Variants in CAMTA1 observed in about 807,000 individuals in gnomAD.
CAMTA1 encodes the protein calmodulin binding transcription activator 1.
Under a neutral mutation model 170.9 loss-of-function variants are expected in CAMTA1, and 27 were observed. That is an observed-to-expected ratio of 0.16 (90% CI 0.12 to 0.22). The LOEUF (loss-of-function observed/expected upper bound fraction) is 0.22. Among genes scored for constraint, CAMTA1 ranks in the 10% least tolerant of loss-of-function variants. The pLI is 1.00. For missense variants in CAMTA1, 1,619 were observed against 2,217.2 expected, an observed-to-expected ratio of 0.73 and a Z score of 5.42; for synonymous variants, 833 against 891.5, an observed-to-expected ratio of 0.93 and a Z score of 1.17.
At chr1:7,511,446 C>G (rs1391297960) in intron 6 of CAMTA1, among the ~76,000 whole-genome samples, 2 of 151,830 alleles carry the variant, frequency 1.3e-5, no homozygotes, top group African/African-American at 4.8e-5. Flanking sequence ...TCATTATCAC[C>G]ATGGACACAA....
chr1:7,431,051 A>G (rs1274375378), intron 5 of CAMTA1, among the ~76,000 whole-genome samples: 2 of 152,246 alleles, frequency 1.3e-5, no homozygotes, highest in East Asian at 1.9e-4. Context: ...TAACCTTGTG[A>G]TGACAGTTAA....
chr1:7,103,549 CACTACACACATACACACAACACA>C (rs1643055053), intron 4 of CAMTA1, among the ~76,000 whole-genome samples: 1 of 57,226 alleles, frequency 1.7e-5, no homozygotes, highest in Non-Finnish European at 3.4e-5. Flanking sequence ...CACATGTACA[CACTACACACATACACACAACACA>C]ACTACACACA....
In CAMTA1 at chr1:7,064,718, T is replaced by C. The variant is rs1708739015; in HGVS notation, c.235-26586T>C. On this transcript the variant is annotated intron_variant, in intron 3 of 22. Transcript: ENST00000303635. This position sits in a 1 kb window ranked among gnomAD's most constrained non-coding sequence, Gnocchi z 5.4. ...GAAGTGGGGGCTGGAGTCCAGAGAT[T>C]GCAGAGCATGCTGGTACTGGAGGGT... 7.2e-6 allele frequency among the ~76,000 whole-genome samples: 1 copy of C among 139,438 alleles called. No individual in the cohort carries two copies. The highest frequency in any genetic ancestry group is 1.5e-5 in the Non-Finnish European group (1 of 65,654). The allele number at this position is 139,438 out of a possible 152,430, so 91.5% of individuals were successfully genotyped here. A position where few individuals can be genotyped will look rare whatever the true frequency, so the allele number is the denominator to read the frequency against.
chr1:7,274,196 A>G (rs1036093786), intron 5 of CAMTA1, among the ~76,000 whole-genome samples: 1 of 152,198 alleles, frequency 6.6e-6, no homozygotes, highest in Non-Finnish European at 1.5e-5. Context: ...ATAATACTCA[A>G]TGACATGCTT....
At chr1:6,801,333 A>G (rs1643800854) in intron 1 of CAMTA1, among the ~76,000 whole-genome samples, 2 of 152,128 alleles carry the variant, frequency 1.3e-5, no homozygotes, top group East Asian at 3.9e-4. Context: ...TGTCCTCTCC[A>G]AGTATTTTTA....
intron 3 of CAMTA1, among the ~76,000 whole-genome samples, chr1:6,997,338 A>G (rs144647485): frequency 2.5e-3 from 373 of 152,064 alleles, no homozygotes; most frequent in African/African-American, 8.5e-3. Flanking sequence ...TGATTTATCT[A>G]TTTCTTTTTG....
chr1:7,204,600 C>T (rs1015214811), intron 4 of CAMTA1, among the ~76,000 whole-genome samples: 1 of 151,944 alleles, frequency 6.6e-6, no homozygotes, highest in Non-Finnish European at 1.5e-5. Flanking sequence ...GATAATGTTT[C>T]ATGTACCCTT....
intron 6 of CAMTA1, among the ~76,000 whole-genome samples, chr1:7,536,158 T>G (rs1016419652): frequency 5.9e-5 from 9 of 152,098 alleles, no homozygotes; most frequent in Non-Finnish European, 8.8e-5. Flanking sequence ...GAGGTGACAT[T>G]CCAGCCCCCG....
intron 5 of CAMTA1, among the ~76,000 whole-genome samples, chr1:7,451,156 G>A (rs1052217744): frequency 6.6e-6 from 1 of 152,180 alleles, no homozygotes; most frequent in African/African-American, 2.4e-5. Context: ...CACTGAGCCA[G>A]CCCCATCTCT....
intron 5 of CAMTA1, among the ~76,000 whole-genome samples, chr1:7,415,066 G>T (rs1340562818): frequency 1.3e-5 from 2 of 152,158 alleles, no homozygotes; most frequent in Non-Finnish European, 2.9e-5. Flanking sequence ...TAGTTGAGCA[G>T]TTTTGAGTGA....
chr1:7,581,657 G>A (rs908349049), intron 6 of CAMTA1, among the ~76,000 whole-genome samples: 1 of 152,238 alleles, frequency 6.6e-6, no homozygotes, highest in African/African-American at 2.4e-5. Flanking sequence ...GAGGCCATTA[G>A]GGGCAAGTGT....
intron 5 of CAMTA1, among the ~76,000 whole-genome samples, chr1:7,431,488 C>T (rs1041706893): frequency 6.6e-6 from 1 of 152,222 alleles, no homozygotes; most frequent in African/African-American, 2.4e-5. Flanking sequence ...GCCCCAGGTC[C>T]CTGATCGCTG....
chr1:7,120,070 T>G (rs1644554716), intron 4 of CAMTA1, among the ~76,000 whole-genome samples: 2 of 152,136 alleles, frequency 1.3e-5, no homozygotes, highest in South Asian at 4.1e-4. Flanking sequence ...AGTAACTGGC[T>G]CAAGATCACA....
chr1:7,060,256 G>A (rs1708005696), intron 3 of CAMTA1, among the ~76,000 whole-genome samples: 1 of 152,180 alleles, frequency 6.6e-6, no homozygotes, highest in African/African-American at 2.4e-5. Context: ...ACATCAATAG[G>A]GTTGGGCTCT....
intron 21 of CAMTA1, 137 bp from the exon 22 acceptor site, chr1:7,755,501 A>AC: frequency 1.4e-6 from 1 of 716,178 alleles, no homozygotes; most frequent in Admixed American, 2.2e-5. Context: ...CACGTACCCC[A>AC]CCATCACTCT....
intron 3 of CAMTA1, among the ~76,000 whole-genome samples, chr1:6,892,696 G>A (rs1571437990): frequency 7.4e-6 from 1 of 134,456 alleles, no homozygotes; most frequent in East Asian, 2.2e-4. Flanking sequence ...GTCCTCTTTT[G>A]CCTCGGTTGG....
chr1:7,364,898 T>C (rs1444478872), intron 5 of CAMTA1, among the ~76,000 whole-genome samples: 2 of 152,252 alleles, frequency 1.3e-5, no homozygotes, highest in Admixed American at 1.3e-4. Context: ...AATGAATGAA[T>C]GAGCCACCTG....
At chr1:7,427,660 T>G (rs963764909) in intron 5 of CAMTA1, among the ~76,000 whole-genome samples, 1 of 152,244 alleles carries the variant, frequency 6.6e-6, no homozygotes, top group Non-Finnish European at 1.5e-5. Context: ...GTGGCTTGGC[T>G]TCAGAAATAT....
In CAMTA1 at chr1:7,242,894, G is replaced by A. The variant is rs539066385; in HGVS notation, c.303-6597G>A. ...GGAGAATGGCATGAACCCAGAAGGCGGAGCTTGCAGTGAGCCGAGATCGCA... is the reference window on the plus strand; with the variant it reads ...GGAGAATGGCATGAACCCAGAAGGCAGAGCTTGCAGTGAGCCGAGATCGCA... On this transcript the variant is annotated intron_variant, in intron 4 of 22. Coordinates refer to ENST00000303635, the MANE Select transcript of CAMTA1 (RefSeq NM_015215.4). 1.1e-4 allele frequency among the ~76,000 whole-genome samples: 17 copies of A among 152,142 alleles called. No homozygotes were observed. The East Asian group carries it at 2.1e-3, about 19-fold the overall frequency.
Sources: gnomAD v4.1 joint callset for allele counts (sites outside exome capture counted in the v4.1 genomes callset) on GRCh38, gnomAD v4.1.1 for gene constraint, Gnocchi (gnomAD v3.1) non-coding constraint, MANE v1.5 for transcripts, NCBI Gene and HGNC (gene_info 2026-07-23, HGNC 2026-07-21) for gene names.